Variants in CPNE4 observed in about 807,000 individuals in gnomAD.
CPNE4 encodes copine-4.
Under a neutral mutation model 67.9 loss-of-function variants are expected in CPNE4, and 25 were observed. The observed-to-expected ratio is 0.37, with a 90% CI of 0.27 to 0.51. CPNE4 has a LOEUF of 0.51. CPNE4 is among the 20% of genes least tolerant of loss of function. The pLI is 0.93. For synonymous variants in CPNE4, 242 were observed against 244.9 expected, an observed-to-expected ratio of 0.99 and a Z score of 0.11; for missense variants, 464 against 690.8, an observed-to-expected ratio of 0.67 and a Z score of 3.68.
At position 131,906,211 on chromosome 3, in the gene CPNE4, T is replaced by TG. The variant is rs571693472; in HGVS notation, c.-1-768dup. ...CTTTATTTTATTTTTTGTTTTTTTT[T>TG]GTTGTTGTTGTTTTGTTTTGTTTTA... On this transcript the variant is annotated intron_variant, in intron 1 of 15. Coordinates refer to ENST00000429747, the MANE Select transcript of CPNE4 (RefSeq NM_130808.3). Among the ~76,000 whole-genome samples the TG allele has an allele frequency of 1.3e-4, 16 of 127,256 alleles. No homozygotes were observed. In the Admixed American group the frequency reaches 1.4e-3, roughly 11 times the overall value. 83.5% of individuals were successfully genotyped at this position (127,256 alleles called of 152,430 possible). A position where few individuals can be genotyped will look rare whatever the true frequency, so the allele number is the denominator to read the frequency against.
At chr3:131,956,523 T>C (rs2107906638) in intron 1 of CPNE4, among the ~76,000 whole-genome samples, 1 of 152,346 alleles carries the variant, frequency 6.6e-6, no homozygotes, top group Non-Finnish European at 1.5e-5. Flanking sequence ...TCATTACTTG[T>C]AATCCAGTAA....
At chr3:131,663,653 T>C (rs888752118) in intron 7 of CPNE4, among the ~76,000 whole-genome samples, 6 of 152,154 alleles carry the variant, frequency 3.9e-5, no homozygotes, top group African/African-American at 1.4e-4. Context: ...CTTTTCTGAT[T>C]GTCCAGGAAT....
At chr3:131,718,422 C>T (rs1344365686) in intron 3 of CPNE4, among the ~76,000 whole-genome samples, 1 of 152,148 alleles carries the variant, frequency 6.6e-6, no homozygotes, top group African/African-American at 2.4e-5. Flanking sequence ...TTCTATCTGG[C>T]ATCCTCTATC....
chr3:131,560,942 C>G (rs1010271451), intron 11 of CPNE4, among the ~76,000 whole-genome samples: 1 of 151,972 alleles, frequency 6.6e-6, no homozygotes, highest in Non-Finnish European at 1.5e-5. Context: ...GTAGAGTGGA[C>G]AAGGTAGCAC....
At chr3:131,959,645 C>T (rs2072106790) in intron 1 of CPNE4, among the ~76,000 whole-genome samples, 1 of 152,160 alleles carries the variant, frequency 6.6e-6, no homozygotes, top group African/African-American at 2.4e-5. Flanking sequence ...TTATCTTCCA[C>T]TCAGTCTAGC....
intron 2 of CPNE4, among the ~76,000 whole-genome samples, chr3:131,845,699 G>A (rs1320602976): frequency 6.6e-6 from 1 of 152,068 alleles, no homozygotes; most frequent in East Asian, 1.9e-4. Flanking sequence ...CATGTTGATT[G>A]ATTGATTGAA....
intron 2 of CPNE4, among the ~76,000 whole-genome samples, chr3:131,751,232 T>A (rs1314998800): frequency 2.6e-5 from 4 of 152,126 alleles, no homozygotes; most frequent in African/African-American, 9.6e-5. Context: ...CTTCAAGTAC[T>A]TTTTTAGTTC....
chr3:131,697,348 G>A (rs1234146692), intron 4 of CPNE4, among the ~76,000 whole-genome samples: 2 of 152,182 alleles, frequency 1.3e-5, no homozygotes, highest in East Asian at 3.8e-4. Flanking sequence ...TTGCAGATAA[G>A]TTAAAACCTT....
chr3:131,865,923 T>A (rs1583361626), intron 2 of CPNE4, among the ~76,000 whole-genome samples: 1 of 152,164 alleles, frequency 6.6e-6, no homozygotes, highest in East Asian at 1.9e-4. Context: ...TATGGGGAGC[T>A]GTAAATAGAC....
intron 1 of CPNE4, among the ~76,000 whole-genome samples, chr3:131,960,128 G>T (rs2072123598): frequency 6.6e-6 from 1 of 151,932 alleles, no homozygotes; most frequent in African/African-American, 2.4e-5. Context: ...AGTGGAGAGG[G>T]AGGGAGGAGA....
intron 2 of CPNE4, among the ~76,000 whole-genome samples, chr3:131,775,676 T>C (rs148881179): frequency 6.6e-6 from 1 of 152,148 alleles, no homozygotes; most frequent in Non-Finnish European, 1.5e-5. Context: ...CCTTCTGCCA[T>C]GATTGTGAGG....
At chr3:131,959,820 CATAAT>C (rs1319514004) in intron 1 of CPNE4, among the ~76,000 whole-genome samples, 1 of 152,114 alleles carries the variant, frequency 6.6e-6, no homozygotes, top group Non-Finnish European at 1.5e-5. Context: ...TAAATTAAAA[CATAAT>C]ATAATGCCCT....
intron 1 of CPNE4, among the ~76,000 whole-genome samples, chr3:131,974,534 T>G (rs537976723): frequency 6.6e-6 from 1 of 152,288 alleles, no homozygotes; most frequent in African/African-American, 2.4e-5. Context: ...CCAAGCAGCA[T>G]CTACCTTCTC....
rs199825530 is a variant in CPNE4 at position 131,767,780 on chromosome 3, T to A, written c.181-44155A>T. ...AAACATTCACACTCAGATTATATATTTATTTATTTATTTATTTATTTATTT... is the reference window on the plus strand; with the variant it reads ...AAACATTCACACTCAGATTATATATATATTTATTTATTTATTTATTTATTT... On this transcript the variant is annotated intron_variant, in intron 2 of 15. Coordinates refer to ENST00000429747, the MANE Select transcript of CPNE4 (RefSeq NM_130808.3). 4.4e-3 allele frequency among the ~76,000 whole-genome samples: 4 copies of A among 918 alleles called. No homozygotes were observed. In the Non-Finnish European group the frequency reaches 0.14, roughly 31 times the overall value. 0.6% of individuals were successfully genotyped at this position (918 alleles called of 152,430 possible).
chr3:131,788,591 T>C (rs990242601), intron 2 of CPNE4, among the ~76,000 whole-genome samples: 11 of 152,150 alleles, frequency 7.2e-5, no homozygotes, highest in African/African-American at 2.2e-4. Context: ...GGACACTTTG[T>C]CTATATGCAT....
chr3:131,931,514 A>C (rs1268666955), intron 1 of CPNE4, among the ~76,000 whole-genome samples: 2 of 152,104 alleles, frequency 1.3e-5, no homozygotes, highest in African/African-American at 4.8e-5. Context: ...TTATGTTCAT[A>C]TGACTTCTGT....
At chr3:131,811,970 C>T (rs1170193635) in intron 2 of CPNE4, among the ~76,000 whole-genome samples, 1 of 152,110 alleles carries the variant, frequency 6.6e-6, no homozygotes, top group African/African-American at 2.4e-5. Flanking sequence ...AGCACTATTG[C>T]AGGGTATTGC....
intron 7 of CPNE4, among the ~76,000 whole-genome samples, chr3:131,632,505 C>T (rs1207323389): frequency 6.6e-6 from 1 of 152,126 alleles, no homozygotes; most frequent in African/African-American, 2.4e-5. Context: ...AATTACCCCA[C>T]AATGGTAAAT....
chr3:131,732,963 G>GGATCATAA lies in CPNE4; in HGVS notation c.181-9346_181-9339dup, dbSNP rs1405494082. ...ATATTTCCCAATGTTACTCAACAAT[G>GGATCATAA]GATCATAAGGAGCATTTACTGAGCA... On this transcript the variant is annotated intron_variant, in intron 2 of 15. Coordinates refer to ENST00000429747, the MANE Select transcript of CPNE4 (RefSeq NM_130808.3). Among the ~76,000 whole-genome samples the GGATCATAA allele has an allele frequency of 5.9e-5, 9 of 152,238 alleles. No individual in the cohort carries two copies. The East Asian group carries it at 1.2e-3, about 20-fold the overall frequency.
Sources: gnomAD v4.1 joint callset for allele counts (sites outside exome capture counted in the v4.1 genomes callset) on GRCh38, gnomAD v4.1.1 for gene constraint, MANE v1.5 for transcripts, NCBI Gene and HGNC (gene_info 2026-07-23, HGNC 2026-07-21) for gene names.